The following MTUS2 variants were observed in gnomAD, a reference collection of about 807,000 sequenced individuals.
MTUS2 encodes the protein microtubule-associated tumor suppressor candidate 2.
MTUS2 carries 40 observed loss-of-function variants against 114.1 expected under a neutral mutation model. The ratio of observed to expected loss-of-function variants is 0.35; its 90% CI spans 0.27 to 0.46. MTUS2 has a LOEUF of 0.46. Among genes scored for constraint, MTUS2 ranks in the 20% least tolerant of loss-of-function variants. The pLI is 1.00. For missense variants in MTUS2, 1,679 were observed against 1,705.4 expected, an observed-to-expected ratio of 0.98 and a Z score of 0.27; for synonymous variants, 688 against 672.0, an observed-to-expected ratio of 1.02 and a Z score of -0.37.
intron 5 of MTUS2, among the ~76,000 whole-genome samples, chr13:29,144,340 C>G (rs929004269): frequency 2.0e-5 from 3 of 151,806 alleles, no homozygotes; most frequent in Non-Finnish European, 4.4e-5. Flanking sequence ...GCTGCATGCT[C>G]ATCTGGAGGT....
intron 5 of MTUS2, among the ~76,000 whole-genome samples, chr13:29,138,387 TCTC>T (rs1318662153): frequency 1.3e-5 from 2 of 151,246 alleles, no homozygotes; most frequent in East Asian, 3.9e-4. Context: ...TTTGCCATCT[TCTC>T]AGAATCCTCA....
intron 4 of MTUS2, among the ~76,000 whole-genome samples, chr13:29,090,641 C>T (rs915311514): frequency 6.6e-6 from 1 of 152,236 alleles, no homozygotes; most frequent in Admixed American, 6.5e-5. Flanking sequence ...TAAGGCTGTA[C>T]TGCATGTGGG....
chr13:28,990,715 A>C (rs150237910), intron 2 of MTUS2, among the ~76,000 whole-genome samples: 2,139 of 152,344 alleles, frequency 0.014, 22 homozygotes, highest in Middle Eastern at 0.048. Context: ...AAATAAGGGA[A>C]TAAAAGCTGG....
In MTUS2 at chr13:28,837,793, C is replaced by T. The variant is rs540687273; in HGVS notation, c.-315-1985C>T. 1.5e-4 allele frequency among the ~76,000 whole-genome samples: 23 copies of T among 152,180 alleles called. No homozygotes were observed. The South Asian group carries it at 4.8e-3, about 32-fold the overall frequency. On this transcript the variant is annotated intron_variant, in intron 1 of 15. Transcript: ENST00000612955. ...TTTTCTGTTACAATTAGTACTATCA[C>T]TGCCATCATTGGTACATTTACCTTC...
intron 5 of MTUS2, among the ~76,000 whole-genome samples, chr13:29,218,154 A>AC (rs1895758053): frequency 6.6e-6 from 1 of 151,966 alleles, no homozygotes; most frequent in African/African-American, 2.4e-5. Flanking sequence ...ACAAAACAAA[A>AC]AAAAAACACC....
intron 5 of MTUS2, among the ~76,000 whole-genome samples, chr13:29,235,210 C>T (rs1896490382): frequency 6.6e-6 from 1 of 152,098 alleles, no homozygotes. Flanking sequence ...AGTTCTTCTG[C>T]CTCAGCCTTC....
chr13:28,877,160 A>G (rs2138123312), intron 2 of MTUS2, among the ~76,000 whole-genome samples: 1 of 146,520 alleles, frequency 6.8e-6, no homozygotes, highest in Admixed American at 6.8e-5. Flanking sequence ...AAAAAAATAC[A>G]AAAAAAAATT....
chr13:29,298,607 A>G (rs1173239233), intron 6 of MTUS2, among the ~76,000 whole-genome samples: 1 of 152,184 alleles, frequency 6.6e-6, no homozygotes, highest in Non-Finnish European at 1.5e-5. Flanking sequence ...ATCTTTAGTG[A>G]AGAAAATGAG....
At chr13:29,324,740 G>A (rs1454238856) in intron 7 of MTUS2, 29 bp downstream of exon 7, 2 of 1,531,386 alleles carry the variant, frequency 1.3e-6, no homozygotes, top group Non-Finnish European at 8.9e-7. Context: ...GTGTTCCTTG[G>A]GGGAATGACT....
intron 5 of MTUS2, among the ~76,000 whole-genome samples, chr13:29,104,754 T>C (rs1472757704): frequency 2.6e-5 from 4 of 152,162 alleles, no homozygotes; most frequent in African/African-American, 7.2e-5. Flanking sequence ...TAGTGACCCA[T>C]AGCTTTTCAA....
At chr13:29,117,604 T>G (rs1891141703) in intron 5 of MTUS2, among the ~76,000 whole-genome samples, 1 of 152,142 alleles carries the variant, frequency 6.6e-6, no homozygotes, top group Admixed American at 6.5e-5. Flanking sequence ...TCCCCACCTC[T>G]TGCACAAATA....
At chr13:29,359,072 TAAC>T (rs1335101987) in intron 7 of MTUS2, among the ~76,000 whole-genome samples, 187 bp from the exon 8 acceptor site, 1 of 152,132 alleles carries the variant, frequency 6.6e-6, no homozygotes, top group Non-Finnish European at 1.5e-5. Context: ...ACCTTGCACT[TAAC>T]AACCACATTA....
chr13:29,389,751 A>G lies in MTUS2; in HGVS notation c.3117+30278A>G, dbSNP rs1312944019. ...TATGTGTGTATATGTATATACATAC[A>G]TATGTGTGTATATGTATATACATAC... On this transcript the variant is annotated intron_variant, in intron 8 of 15. Coordinates refer to ENST00000612955, the MANE Select transcript of MTUS2 (RefSeq NM_001033602.4). Among the ~76,000 whole-genome samples, 24 of 15,912 alleles carry G rather than the reference A, an allele frequency of 1.5e-3. 3 individuals are homozygous for G. In the South Asian group the frequency reaches 0.025, roughly 17 times the overall value. The allele number at this position is 15,912 out of a possible 152,430, so 10.4% of individuals were successfully genotyped here.
chr13:29,074,245 A>G (rs530652779), intron 4 of MTUS2, among the ~76,000 whole-genome samples: 127 of 152,322 alleles, frequency 8.3e-4, no homozygotes, highest in Non-Finnish European at 1.2e-3. Context: ...TATTTCTTCT[A>G]TAGTCCTAAC....
intron 2 of MTUS2, among the ~76,000 whole-genome samples, chr13:28,990,389 A>G (rs1011813686): frequency 6.6e-6 from 1 of 152,160 alleles, no homozygotes; most frequent in Non-Finnish European, 1.5e-5. Flanking sequence ...TACTGGGTGT[A>G]GTGGGGGCAT....
chr13:29,274,703 G>T (rs190445064), intron 5 of MTUS2, among the ~76,000 whole-genome samples: 172 of 151,954 alleles, frequency 1.1e-3, no homozygotes, highest in Non-Finnish European at 1.9e-3. Context: ...TTTTAATTGG[G>T]TTATTTGGCT....
intron 6 of MTUS2, among the ~76,000 whole-genome samples, chr13:29,295,000 A>G (rs551353253): frequency 6.5e-4 from 99 of 152,282 alleles, no homozygotes; most frequent in African/African-American, 2.2e-3. Flanking sequence ...CTGCTTAGTT[A>G]TTCCTTTCCT....
chr13:29,485,684 C>G (rs1258853253), intron 10 of MTUS2, among the ~76,000 whole-genome samples: 1 of 152,216 alleles, frequency 6.6e-6, no homozygotes, highest in Non-Finnish European at 1.5e-5. Context: ...GGCATACCTT[C>G]CAGCAAGCCA....
chr13:29,019,196 A>T (rs558027051), intron 2 of MTUS2, among the ~76,000 whole-genome samples: 2 of 152,218 alleles, frequency 1.3e-5, no homozygotes, highest in South Asian at 4.2e-4. Flanking sequence ...CGTGGACAAG[A>T]TGGAGGCACA....
Sources: allele counts gnomAD v4.1 joint callset (sites outside exome capture counted in the v4.1 genomes callset), GRCh38; gene constraint gnomAD v4.1.1; transcripts MANE v1.5; gene names NCBI Gene and HGNC (gene_info 2026-07-23, HGNC 2026-07-21).